The following FRMPD4 variants were observed in gnomAD, a reference collection of about 807,000 sequenced individuals.
FRMPD4 encodes the protein FERM and PDZ domain-containing protein 4.
A neutral mutation model predicts 94.1 loss-of-function variants in FRMPD4; 22 were observed. The ratio of observed to expected loss-of-function variants is 0.23; its 90% confidence interval spans 0.17 to 0.33. The LOEUF (loss-of-function observed/expected upper bound fraction) is 0.33, where lower values mean the gene tolerates loss of function less well. FRMPD4 is among the 10% of genes least tolerant of loss of function. The probability of loss-of-function intolerance (pLI) is 1.00; values close to 1 mark genes in which losing one functional copy is unlikely to be tolerated. For missense variants in FRMPD4, 1,111 were observed against 1,339.9 expected (o/e 0.83, Z 2.67); for synonymous variants, 631 against 548.6 (o/e 1.15, Z -2.10).
chrX:12,176,580 A>G (rs1187300781), intron 1 of FRMPD4, among the ~76,000 whole-genome samples: 3 of 112,691 alleles, frequency 2.7e-5, no homozygotes, highest in East Asian at 2.8e-4. Flanking sequence ...ATCATAAAAT[A>G]TGTTTGCAAT....
intron 3 of FRMPD4, among the ~76,000 whole-genome samples, chrX:12,097,650 T>C (rs2055217845): frequency 8.9e-6 from 1 of 112,514 alleles, no homozygotes; most frequent in Non-Finnish European, 1.9e-5. Flanking sequence ...TTTATGTAAA[T>C]AGAACAATGC....
At chrX:12,223,773 G>T (rs2147762955) in intron 1 of FRMPD4, among the ~76,000 whole-genome samples, 1 of 111,876 alleles carries the variant, frequency 8.9e-6, no homozygotes, top group Admixed American at 9.5e-5. Context: ...GCATTTCTTT[G>T]TGGTTTAGTT....
chrX:12,331,835 AT>A lies in FRMPD4; in HGVS notation c.42-166844del, dbSNP rs779933256. On this transcript the variant is annotated intron_variant, in intron 1 of 16. Coordinates refer to ENST00000675598, the MANE Select transcript of FRMPD4 (RefSeq NM_001368397.1). ...TTTATATACTATATATAAATTATAT[AT>A]ATTTATATACTATATATAAATTATA... Among the ~76,000 whole-genome samples, 107 of 32,473 alleles carry A rather than the reference AT, an allele frequency of 3.3e-3. 1 individual carries two copies. The highest frequency in any genetic ancestry group is 0.021 in the African/African-American group (74 of 3,550). 28.2% of individuals were successfully genotyped at this position (32,473 alleles called of 115,157 possible). A position where few individuals can be genotyped will look rare whatever the true frequency, so the allele number is the denominator to read the frequency against.
intron 1 of FRMPD4, among the ~76,000 whole-genome samples, chrX:11,836,300 G>A (rs1247541341): frequency 1.8e-5 from 2 of 111,756 alleles, no homozygotes; most frequent in Non-Finnish European, 3.8e-5. Context: ...ATTTTTGTTA[G>A]CTTCAAAGTG....
chrX:12,391,766 A>G (rs916630648), intron 1 of FRMPD4, among the ~76,000 whole-genome samples: 18 of 111,123 alleles, frequency 1.6e-4, no homozygotes, highest in African/African-American at 5.6e-4. Context: ...GCAGGAACAC[A>G]GTGGCCTCAC....
At chrX:12,595,765 G>A (rs1160301889) in intron 2 of FRMPD4, among the ~76,000 whole-genome samples, 1 of 112,259 alleles carries the variant, frequency 8.9e-6, no homozygotes, top group Non-Finnish European at 1.9e-5. Context: ...CAGAGTCTCA[G>A]CAACTCCAGT....
chrX:12,274,183 T>G (rs2054397451), intron 1 of FRMPD4, among the ~76,000 whole-genome samples: 1 of 111,129 alleles, frequency 9.0e-6, no homozygotes, highest in South Asian at 3.8e-4. Context: ...CTACTCTTTC[T>G]AATTAAAAAT....
At chrX:12,616,588 A>G (rs1317095110) in intron 4 of FRMPD4, among the ~76,000 whole-genome samples, 2 of 112,097 alleles carry the variant, frequency 1.8e-5, no homozygotes, top group African/African-American at 6.5e-5. Context: ...CATATTCACT[A>G]TGCATCGGGA....
intron 4 of FRMPD4, among the ~76,000 whole-genome samples, chrX:12,623,203 A>AAAGGAAGGAAGG (rs1156582817): frequency 3.0e-4 from 2 of 6,614 alleles, no homozygotes; most frequent in Non-Finnish European, 3.9e-4. Context: ...AGAAAGAAAG[A>AAAGGAAGGAAGG]AAGGAAGGAA....
intron 1 of FRMPD4, among the ~76,000 whole-genome samples, chrX:11,852,694 A>T (rs2053631905): frequency 9.0e-6 from 1 of 111,372 alleles, no homozygotes; most frequent in African/African-American, 3.3e-5. Flanking sequence ...ATTCAATTCA[A>T]CAAGAAGACC....
At chrX:12,665,194 G>C (rs946396049) in intron 4 of FRMPD4, among the ~76,000 whole-genome samples, 2 of 111,725 alleles carry the variant, frequency 1.8e-5, no homozygotes, top group Admixed American at 9.5e-5. Flanking sequence ...TGTAATCCCA[G>C]CACTTTGGGA....
At chrX:12,458,868 G>A (rs923098456) in intron 1 of FRMPD4, among the ~76,000 whole-genome samples, 10 of 111,401 alleles carry the variant, frequency 9.0e-5, no homozygotes, top group Non-Finnish European at 1.7e-4. Context: ...GAAGGATAAT[G>A]AATACAGTGT....
chrX:11,976,401 C>T (rs1324899815), intron 3 of FRMPD4, among the ~76,000 whole-genome samples: 1 of 112,120 alleles, frequency 8.9e-6, no homozygotes, highest in Non-Finnish European at 1.9e-5. Context: ...TTTAAAAAAT[C>T]ATGCAGCTTT....
chrX:11,972,859 C>T (rs1461483559), intron 3 of FRMPD4, among the ~76,000 whole-genome samples: 1 of 112,204 alleles, frequency 8.9e-6, no homozygotes, highest in Non-Finnish European at 1.9e-5. Context: ...AGTGAGTATA[C>T]AAGAATAAAT....
intron 3 of FRMPD4, among the ~76,000 whole-genome samples, chrX:11,929,199 C>A (rs1390571976): frequency 1.8e-5 from 2 of 111,933 alleles, no homozygotes; most frequent in Middle Eastern, 4.6e-3. Flanking sequence ...CAACAAACCC[C>A]CATGACACGA....
intron 3 of FRMPD4, among the ~76,000 whole-genome samples, chrX:12,008,926 A>T (rs1429100378): frequency 2.7e-5 from 3 of 112,352 alleles, no homozygotes; most frequent in Non-Finnish European, 5.6e-5. Context: ...GAGTTAAATG[A>T]ATATTTCATG....
chrX:12,252,085 G>A (rs2054048189), intron 1 of FRMPD4, among the ~76,000 whole-genome samples: 1 of 112,209 alleles, frequency 8.9e-6, no homozygotes, highest in African/African-American at 3.2e-5. Flanking sequence ...ATAATTCTCA[G>A]TAGCACAACT....
chrX:12,454,631 G>GAGTT (rs2057312153), intron 1 of FRMPD4, among the ~76,000 whole-genome samples: 2 of 110,135 alleles, frequency 1.8e-5, no homozygotes, highest in South Asian at 7.9e-4. Flanking sequence ...CCCACGTGAG[G>GAGTT]AGTTAATTTT....
In FRMPD4 at chrX:12,297,394, G is replaced by T. The variant is rs192604946; in HGVS notation, c.41+158382G>T. 7.8e-4 allele frequency among the ~76,000 whole-genome samples: 87 copies of T among 112,095 alleles called. 1 individual carries two copies. The highest frequency in any genetic ancestry group is 2.7e-3 in the African/African-American group (84 of 30,849). Reference sequence around the variant, plus strand: ...GGCTGCCTCTGGTTATGGCCTTCTTGCTGCATCATAACAGAATCATGGGAA... The same window carrying T: ...GGCTGCCTCTGGTTATGGCCTTCTTTCTGCATCATAACAGAATCATGGGAA... On this transcript the variant is annotated intron_variant, in intron 1 of 16. Coordinates refer to ENST00000675598, the MANE Select transcript of FRMPD4 (RefSeq NM_001368397.1).
Sources: allele counts gnomAD v4.1 joint callset (sites outside exome capture counted in the v4.1 genomes callset), GRCh38; gene constraint gnomAD v4.1.1; transcripts MANE v1.5; gene names NCBI Gene and HGNC (gene_info 2026-07-23, HGNC 2026-07-21).